Variants in ZKSCAN2 observed in about 807,000 individuals in gnomAD.
ZKSCAN2 encodes the protein zinc finger with KRAB and SCAN domains 2, also known as zinc finger protein with KRAB and SCAN domains 2.
ZKSCAN2 carries 38 observed loss-of-function variants against 90.5 expected under a neutral mutation model. The ratio of observed to expected loss-of-function variants is 0.42; its 90% confidence interval spans 0.32 to 0.55. ZKSCAN2 has a LOEUF of 0.55. ZKSCAN2 is among the 20% of genes least tolerant of loss of function. The pLI, the probability that ZKSCAN2 is intolerant of heterozygous loss-of-function variation, is 0.11. For synonymous variants in ZKSCAN2, 429 were observed against 421.6 expected (o/e 1.02, Z -0.22); for missense variants, 1,167 against 1,202.6 (o/e 0.97, Z 0.44).
At position 25,257,494 on chromosome 16, in the gene ZKSCAN2, G is replaced by T. The variant is rs946313550; in HGVS notation, c.-367C>A. On this transcript the variant is annotated 5_prime_UTR_variant, in exon 1 of 7. Transcript: ENST00000328086. Reference sequence around the variant, plus strand: ...AGGCGGACAGCCGGGCCGGGAGGGGGTGTGTCCGCTACTCCCGGGTCGGGC... The same window carrying T: ...AGGCGGACAGCCGGGCCGGGAGGGGTTGTGTCCGCTACTCCCGGGTCGGGC... The T allele has an allele frequency of 2.0e-6, 2 of 1,003,674 alleles. No homozygotes were observed. The highest frequency in any genetic ancestry group is 4.6e-5 in the South Asian group (1 of 21,800). The allele number at this position is 1,003,674 out of a possible 1,614,324, so 62.2% of individuals were successfully genotyped here.
At position 25,244,261 on chromosome 16, in the gene ZKSCAN2, T is replaced by A; in HGVS notation, c.1505A>T (p.Tyr502Phe). The change falls in exon 6 of 7, where the codon TAT (tyrosine) becomes TTT (phenylalanine). Residue 502 changes from tyrosine (Y) to phenylalanine (F), a missense_variant. Coordinates refer to ENST00000328086, the MANE Select transcript of ZKSCAN2 (RefSeq NM_001012981.5). ...ATCAAGAAAAGTCTTGGTTTCTTCA[T>A]AGCCCCAGTGCACGCCTGCCATTTG... ...FQNLSGVHWG[Y>F]EETKTFLDIL... 1 of 1,613,376 alleles carries A rather than the reference T, an allele frequency of 6.2e-7. No individual in the cohort carries two copies.
rs1240647580 is a variant in ZKSCAN2, at chr16:25,247,310, T to C, written c.886A>G (p.Asn296Asp). Residue 296 changes from asparagine to aspartate, a missense_variant, in exon 5 of 7, where the codon AAC becomes GAC. Coordinates refer to ENST00000328086, the MANE Select transcript of ZKSCAN2 (RefSeq NM_001012981.5). The stretch of plus-strand genomic sequence containing the variant: ...TTGCTTCGTAGGATACTTCTCTTGT[T>C]AGAGGAATGCAGACCTAGAGTCCAT... ...EPWTLGLHSS[N>D]KRSILRSNYV... 6.2e-7 allele frequency: 1 copy of C among 1,613,980 alleles called. No individual in the cohort carries two copies. Among genetic ancestry groups the C allele is most frequent in the Non-Finnish European group, 8.5e-7 (1 of 1,180,030 alleles).
chr16:25,244,005 T>C lies in ZKSCAN2; in HGVS notation c.1761A>G (p.Ala587=), dbSNP rs1962892912. 1.2e-6 allele frequency: 2 copies of C among 1,614,072 alleles called. No homozygotes were observed. Among genetic ancestry groups the C allele is most frequent in the Non-Finnish European group, 1.7e-6 (2 of 1,180,038 alleles). ...CTGGGGTGCTGGGGGAAGGAGCAGA[T>C]GCCCGAGAGTTAATCAGGGCATCCA... is the stretch of plus-strand genomic sequence containing the variant. ...KEMDALINSR[A]SAPSPSTPEE... Residue 587 remains alanine, a synonymous_variant, in exon 6 of 7, where the codon GCA becomes GCG. Transcript: ENST00000328086.
Position 25,238,252 on chromosome 16 carries a change from T to C in ZKSCAN2, c.*1564A>G, listed in dbSNP as rs1216739340. The C allele has an allele frequency of 6.6e-6, 1 of 152,216 alleles. No individual in the cohort carries two copies. The highest frequency in any genetic ancestry group is 1.9e-4 in the East Asian group (1 of 5,192). The allele number at this position is 152,216 out of a possible 1,614,324, so 9.4% of individuals were successfully genotyped here. The stretch of plus-strand genomic sequence containing the variant: ...AAAGGGAGAGAGAAGAGCAAAATAA[T>C]CACCCACAAACAGCCCTAACTCCGG... On this transcript the variant is annotated 3_prime_UTR_variant, in exon 7 of 7. Transcript: ENST00000328086.
chr16:25,254,495 C>T (rs1023283129), intron 2 of ZKSCAN2, among the ~76,000 whole-genome samples: 4 of 152,206 alleles, frequency 2.6e-5, no homozygotes, highest in African/African-American at 9.6e-5. Context: ...TGCCTTGTTC[C>T]CTTTCAAACA....
chr16:25,246,434 T>C (rs1192431074), intron 5 of ZKSCAN2: 10 of 509,976 alleles, frequency 2.0e-5, no homozygotes, highest in Non-Finnish European at 3.2e-5. Context: ...GTAACTCCAT[T>C]TGTCTTCCTT....
At chr16:25,245,856 T>G (rs1597642184) in intron 5 of ZKSCAN2, among the ~76,000 whole-genome samples, 1 of 152,296 alleles carries the variant, frequency 6.6e-6, no homozygotes, top group Non-Finnish European at 1.5e-5. Context: ...CTGTATTATA[T>G]TTTAGCATTT....
At position 25,247,403 on chromosome 16, in the gene ZKSCAN2, A is replaced by C. The variant is rs564957014; in HGVS notation, c.806-13T>G. ...GACACTGCACTTCCTACAGTAAAAT[A>C]AACATATTTCATGGTAGACATAGAA... On this transcript the variant is annotated splice_polypyrimidine_tract_variant and intron_variant, in intron 4 of 6. Coordinates refer to ENST00000328086, the MANE Select transcript of ZKSCAN2 (RefSeq NM_001012981.5). 1 of 1,589,388 alleles carries C rather than the reference A, an allele frequency of 6.3e-7. No homozygotes were observed. Among genetic ancestry groups the C allele is most frequent in the South Asian group, 1.1e-5 (1 of 89,818 alleles).
In ZKSCAN2 at chr16:25,257,225, G is replaced by C; in HGVS notation, c.-98C>G. 1 of 1,484,584 alleles carries C rather than the reference G, an allele frequency of 6.7e-7. No individual in the cohort carries two copies. Among genetic ancestry groups the C allele is most frequent in the Non-Finnish European group, 8.9e-7 (1 of 1,122,648 alleles). The allele number at this position is 1,484,584 out of a possible 1,614,324, so 92.0% of individuals were successfully genotyped here. A position where few individuals can be genotyped will look rare whatever the true frequency, so the allele number is the denominator to read the frequency against. On this transcript the variant is annotated 5_prime_UTR_variant, in exon 1 of 7. Coordinates refer to ENST00000328086, the MANE Select transcript of ZKSCAN2 (RefSeq NM_001012981.5). ...TTAATGTTCCTGGGAGTGTGATAAG[G>C]TACGGAGGTAAAAACGGCCAGGTCG...
rs201469560 is a variant in ZKSCAN2, at chr16:25,251,951, G to A, written c.763C>T (p.Arg255Trp). 503 of 1,613,994 alleles carry A rather than the reference G, an allele frequency of 3.1e-4. 1 individual carries two copies. Among genetic ancestry groups the A allele is most frequent in the Non-Finnish European group, 1.7e-4 (206 of 1,179,978 alleles). ...HQIPAQRDLY[R>W]DFRKENVGNV... ...CCAACATTCTCCTTCCTGAAATCCCGGTAGAGGTCCCTTTGGGCAGGAATC... is the reference window on the plus strand; with the variant it reads ...CCAACATTCTCCTTCCTGAAATCCCAGTAGAGGTCCCTTTGGGCAGGAATC... The change falls in exon 4 of 7, where the codon CGG becomes TGG. Residue 255 changes from arginine to tryptophan, a missense_variant. Transcript: ENST00000328086.
intron 1 of ZKSCAN2, 136 bp from the exon 2 acceptor site, chr16:25,255,528 CTG>C: frequency 2.2e-6 from 2 of 907,074 alleles, no homozygotes; most frequent in South Asian, 3.3e-5. Flanking sequence ...AGTGGAGTCT[CTG>C]AGAGCGCTGG....
chr16:25,256,981 C>T lies in ZKSCAN2; in HGVS notation c.147G>A (p.Arg49=). 3 of 1,614,212 alleles carry T rather than the reference C, an allele frequency of 1.9e-6. No individual in the cohort carries two copies. The highest frequency in any genetic ancestry group is 2.5e-6 in the Non-Finnish European group (3 of 1,180,032). ...CAGTCACATCCTCATAACAGAATTG[C>T]CTGAAGCATTTGCGGAAGGTCTCAG... ...DSSETFRKCF[R]QFCYEDVTGP... is the part of the protein sequence containing the mutation. The change falls in exon 1 of 7, where the codon AGG becomes AGA. Residue 49 remains arginine, a synonymous_variant. Transcript: ENST00000328086.
Position 25,237,280 on chromosome 16 carries a change from A to C in ZKSCAN2, c.*2536T>G, listed in dbSNP as rs904569945. 9.9e-5 allele frequency: 15 copies of C among 152,208 alleles called. No homozygotes were observed. Among genetic ancestry groups the C allele is most frequent in the Non-Finnish European group, 1.0e-4 (7 of 68,050 alleles). The allele number at this position is 152,208 out of a possible 1,614,324, so 9.4% of individuals were successfully genotyped here. ...CAGGGAGACAGGTAGTGTTGGTCTA[A>C]AATGGGGGGGAGACCTTCCATTTCT... is the stretch of plus-strand genomic sequence containing the variant. On this transcript the variant is annotated 3_prime_UTR_variant, in exon 7 of 7. Coordinates refer to ENST00000328086, the MANE Select transcript of ZKSCAN2 (RefSeq NM_001012981.5).
rs1963131864 is a variant in ZKSCAN2 at position 25,257,617 on chromosome 16, G to C, written c.-490C>G. Reference sequence around the variant, plus strand: ...GTCACCGCAGCACGTCCAGGCCGCCGCGGGTGCCGCTGGGGCCGCCGGATT... The same window carrying C: ...GTCACCGCAGCACGTCCAGGCCGCCCCGGGTGCCGCTGGGGCCGCCGGATT... On this transcript the variant is annotated 5_prime_UTR_variant, in exon 1 of 7. Coordinates refer to ENST00000328086, the MANE Select transcript of ZKSCAN2 (RefSeq NM_001012981.5). 1 of 629,068 alleles carries C rather than the reference G, an allele frequency of 1.6e-6. No homozygotes were observed. The highest frequency in any genetic ancestry group is 7.1e-5 in the South Asian group (1 of 14,178). The allele number at this position is 629,068 out of a possible 1,614,324, so 39.0% of individuals were successfully genotyped here. A position where few individuals can be genotyped will look rare whatever the true frequency, so the allele number is the denominator to read the frequency against.
chr16:25,244,139 A>C lies in ZKSCAN2; in HGVS notation c.1627T>G (p.Phe543Val). The change falls in exon 6 of 7, where the codon TTC becomes GTC. Residue 543 changes from phenylalanine to valine, a missense_variant. Physicochemically the swap from Phe to Val is conservative, Grantham distance 50. Transcript: ENST00000328086. ...CGGCACTGTTCTGGTGTCCGGAGGAAGCCGCACTCTCGAAGCTGTTCAGCT... is the reference window on the plus strand; with the variant it reads ...CGGCACTGTTCTGGTGTCCGGAGGACGCCGCACTCTCGAAGCTGTTCAGCT... ...AVAEQLRECG[F>V]LRTPEQCRTK... 1 of 1,614,108 alleles carries C rather than the reference A, an allele frequency of 6.2e-7. No homozygotes were observed. Among genetic ancestry groups the C allele is most frequent in the Non-Finnish European group, 8.5e-7 (1 of 1,180,012 alleles).
At chr16:25,252,093 G>A (rs1963029714) in intron 3 of ZKSCAN2, 58 bp from the exon 4 acceptor site, 1 of 1,593,418 alleles carries the variant, frequency 6.3e-7, no homozygotes, top group Non-Finnish European at 8.6e-7. Context: ...TTCAAAGGAT[G>A]AGCAATCACA....
rs1437146708 is a variant in ZKSCAN2 at position 25,257,417 on chromosome 16, G to A, written c.-290C>T. Reference sequence around the variant, plus strand: ...CTCTTAGTGCAAAGTCGGAAACCGGGAGGCTGGACGACTGGGAGAAAAATG... The same window carrying A: ...CTCTTAGTGCAAAGTCGGAAACCGGAAGGCTGGACGACTGGGAGAAAAATG... On this transcript the variant is annotated 5_prime_UTR_variant, in exon 1 of 7. Transcript: ENST00000328086. The A allele has an allele frequency of 6.7e-5, 75 of 1,121,108 alleles. No homozygotes were observed. The highest frequency in any genetic ancestry group is 7.9e-5 in the Non-Finnish European group (73 of 918,712). 69.4% of individuals were successfully genotyped at this position (1,121,108 alleles called of 1,614,324 possible).
chr16:25,246,876 C>T lies in ZKSCAN2; in HGVS notation c.1320G>A (p.Glu440=), dbSNP rs762019661. 3 of 1,614,202 alleles carry T rather than the reference C, an allele frequency of 1.9e-6. No individual in the cohort carries two copies. The highest frequency in any genetic ancestry group is 1.7e-6 in the Non-Finnish European group (2 of 1,180,034). Reference sequence around the variant, plus strand: ...TCTTCAGTCTGGGGACAGGTATCATCTCCTTTGGTTTATCAGTGGACGGAG... The same window carrying T: ...TCTTCAGTCTGGGGACAGGTATCATTTCCTTTGGTTTATCAGTGGACGGAG... ...ARAPSTDKPK[E]MIPVPRLKRI... The change falls in exon 5 of 7, where the codon GAG becomes GAA. Residue 440 remains glutamate (E), a synonymous_variant. Coordinates refer to ENST00000328086, the MANE Select transcript of ZKSCAN2 (RefSeq NM_001012981.5).
At chr16:25,253,825 T>C (rs1422266518) in intron 2 of ZKSCAN2, among the ~76,000 whole-genome samples, 1 of 152,092 alleles carries the variant, frequency 6.6e-6, no homozygotes, top group African/African-American at 2.4e-5. Context: ...CTGGTCAACA[T>C]GGTGAAACCC....
Sources: allele counts gnomAD v4.1 joint callset (sites outside exome capture counted in the v4.1 genomes callset), GRCh38; gene constraint gnomAD v4.1.1; transcripts MANE v1.5; gene names NCBI Gene and HGNC (gene_info 2026-07-23, HGNC 2026-07-21).